CFDP1: variants seen among roughly 807,000 people sequenced by gnomAD.
CFDP1 encodes the protein chromatin remodeling protein CFDP1.
In CFDP1, 31 loss-of-function variants were observed where a neutral mutation model predicts 40.1. That is an observed-to-expected ratio of 0.77 (90% CI 0.58 to 1.04). The LOEUF (loss-of-function observed/expected upper bound fraction) is 1.04. CFDP1 is among the 50% of genes least tolerant of loss of function. The pLI, the probability that CFDP1 is intolerant of heterozygous loss-of-function variation, is 0.00. For missense variants in CFDP1, 423 were observed against 343.4 expected (o/e 1.23, Z -1.83); for synonymous variants, 167 against 120.0 (o/e 1.39, Z -2.56).
intron 1 of CFDP1, 90 bp from the exon 2 acceptor site, chr16:75,414,785 A>G: frequency 1.2e-6 from 1 of 817,268 alleles, no homozygotes; most frequent in Non-Finnish European, 2.0e-6. Context: ...TCACACCGAG[A>G]CATTTTCATT....
At chr16:75,360,608 C>A (rs960064465) in intron 5 of CFDP1, among the ~76,000 whole-genome samples, 7 of 152,134 alleles carry the variant, frequency 4.6e-5, no homozygotes, top group Non-Finnish European at 1.0e-4. Context: ...CAATAACTTT[C>A]CTGTGGCTGA....
chr16:75,432,202 G>A (rs549601319), intron 1 of CFDP1, among the ~76,000 whole-genome samples: 132 of 149,684 alleles, frequency 8.8e-4, no homozygotes, highest in African/African-American at 3.2e-3. Flanking sequence ...GAGCCACCGC[G>A]CCAGGAATGG....
chr16:75,340,815 TAAG>T (rs2078521637), intron 5 of CFDP1, among the ~76,000 whole-genome samples: 1 of 152,154 alleles, frequency 6.6e-6, no homozygotes, highest in Non-Finnish European at 1.5e-5. Flanking sequence ...AGAAAGCTTT[TAAG>T]GATGAGGTCA....
At position 75,349,732 on chromosome 16, in the gene CFDP1, A is replaced by G. The variant is rs547980136; in HGVS notation, c.651-44550T>C. Reference sequence around the variant, plus strand: ...ATATACGGTTGATTTTTACATATTGATCTTGTATCTTGTAACCTTGCTGAA... The same window carrying G: ...ATATACGGTTGATTTTTACATATTGGTCTTGTATCTTGTAACCTTGCTGAA... On this transcript the variant is annotated intron_variant, in intron 5 of 6. Transcript: ENST00000283882. Among the ~76,000 whole-genome samples the G allele has an allele frequency of 5.4e-4, 67 of 123,868 alleles. 1 individual carries two copies. Among genetic ancestry groups the G allele is most frequent in the African/African-American group, 2.0e-3 (66 of 32,628 alleles). 81.3% of individuals were successfully genotyped at this position (123,868 alleles called of 152,430 possible).
intron 6 of CFDP1, among the ~76,000 whole-genome samples, chr16:75,297,905 A>G (rs2078195358): frequency 6.6e-6 from 1 of 152,228 alleles, no homozygotes; most frequent in Admixed American, 6.5e-5. Context: ...AGAAAATGCT[A>G]CTAGGGAACA....
chr16:75,414,694 A>T lies in CFDP1; in HGVS notation c.66T>A (p.Gly22=). ...TTACATCATCTTCACTATACTCTCCACCTGAAATCACATAACAGGGTGATC... is the reference window on the plus strand; with the variant it reads ...TTACATCATCTTCACTATACTCTCCTCCTGAAATCACATAACAGGGTGATC... ...SEEDEDYVPS[G]GEYSEDDVNE... is the part of the protein sequence containing the mutation. The change falls in exon 2 of 7, where the codon GGT becomes GGA. Residue 22 remains glycine (G), a splice_region_variant and synonymous_variant. Coordinates refer to ENST00000283882, the MANE Select transcript of CFDP1 (RefSeq NM_006324.3). 1 of 1,579,694 alleles carries T rather than the reference A, an allele frequency of 6.3e-7. No individual in the cohort carries two copies. The highest frequency in any genetic ancestry group is 8.7e-7 in the Non-Finnish European group (1 of 1,149,346).
intron 5 of CFDP1, among the ~76,000 whole-genome samples, chr16:75,390,357 C>G (rs572656117): frequency 2.0e-5 from 3 of 152,356 alleles, no homozygotes; most frequent in Admixed American, 1.3e-4. Context: ...GCCTGCACAG[C>G]GCAGTTTTGG....
intron 5 of CFDP1, among the ~76,000 whole-genome samples, chr16:75,317,808 G>A (rs1250721674): frequency 1.3e-5 from 2 of 152,070 alleles, no homozygotes; most frequent in Non-Finnish European, 2.9e-5. Context: ...GTCAGCATCT[G>A]GCATTAAAAG....
chr16:75,384,852 C>CAATATATATATATATATA lies in CFDP1; in HGVS notation c.650+10237_650+10238insTATATATATATATATATT, dbSNP rs1555561750. Among the ~76,000 whole-genome samples, 20 of 120,000 alleles carry CAATATATATATATATATA rather than the reference C, an allele frequency of 1.7e-4. 1 individual carries two copies. Among genetic ancestry groups the CAATATATATATATATATA allele is most frequent in the South Asian group, 5.1e-4 (2 of 3,892 alleles). 78.7% of individuals were successfully genotyped at this position (120,000 alleles called of 152,430 possible). A position where few individuals can be genotyped will look rare whatever the true frequency, so the allele number is the denominator to read the frequency against. On this transcript the variant is annotated intron_variant, in intron 5 of 6. Transcript: ENST00000283882. Reference sequence around the variant, plus strand: ...TACAAGTTGCAAGAAGAAACTAAAACTATATATATATATATATATATATAT... The same window carrying CAATATATATATATATATA: ...TACAAGTTGCAAGAAGAAACTAAAACAATATATATATATATATATATATATATATATATATATATATAT...
intron 5 of CFDP1, among the ~76,000 whole-genome samples, chr16:75,380,406 G>A (rs1164997696): frequency 6.6e-6 from 1 of 152,142 alleles, no homozygotes; most frequent in Non-Finnish European, 1.5e-5. Context: ...CCGGCAGGGT[G>A]GGGTGGGGGA....
At chr16:75,352,007 C>CAAAAAAAAAAAAAAA (rs3975153) in intron 5 of CFDP1, among the ~76,000 whole-genome samples, 1 of 86,788 alleles carries the variant, frequency 1.2e-5, no homozygotes, top group Non-Finnish European at 2.1e-5. Flanking sequence ...GACTCTGTCT[C>CAAAAAAAAAAAAAAA]AAAAAAAAAA....
intron 5 of CFDP1, among the ~76,000 whole-genome samples, chr16:75,350,677 A>AT: frequency 1.3e-5 from 2 of 152,330 alleles, no homozygotes; most frequent in East Asian, 3.9e-4. Flanking sequence ...AAAGACTAGA[A>AT]GCAACCCAAA....
chr16:75,337,312 T>G (rs900903398), intron 5 of CFDP1, among the ~76,000 whole-genome samples: 1 of 152,126 alleles, frequency 6.6e-6, no homozygotes, highest in African/African-American at 2.4e-5. Context: ...GCAGGCAAGA[T>G]CCATGGGTAC....
chr16:75,368,284 G>A (rs1045182381), intron 5 of CFDP1, among the ~76,000 whole-genome samples: 1 of 152,034 alleles, frequency 6.6e-6, no homozygotes, highest in Admixed American at 6.6e-5. Context: ...GCTTTTAAAA[G>A]AATACTTTTA....
chr16:75,348,296 A>G (rs7192155), intron 5 of CFDP1, among the ~76,000 whole-genome samples: 109,104 of 152,028 alleles, frequency 0.72, 39,440 homozygotes, highest in Non-Finnish European at 0.77. Context: ...CTTGGCTCCC[A>G]ATGTTAATTT....
intron 4 of CFDP1, among the ~76,000 whole-genome samples, chr16:75,399,678 A>G (rs997854374): frequency 6.6e-6 from 1 of 151,328 alleles, no homozygotes. Context: ...CGCCCAGCCC[A>G]AATTTTCTGA....
At chr16:75,373,091 C>T (rs779140164) in intron 5 of CFDP1, among the ~76,000 whole-genome samples, 1 of 152,184 alleles carries the variant, frequency 6.6e-6, no homozygotes, top group Non-Finnish European at 1.5e-5. Context: ...CTTGACACAC[C>T]TATGCTGGAG....
intron 5 of CFDP1, among the ~76,000 whole-genome samples, chr16:75,393,395 A>C (rs2078968537): frequency 6.6e-6 from 1 of 152,120 alleles, no homozygotes; most frequent in Non-Finnish European, 1.5e-5. Context: ...GTATACTAGT[A>C]TAACTCTGTT....
At chr16:75,317,796 G>C (rs1193950567) in intron 5 of CFDP1, among the ~76,000 whole-genome samples, 2 of 152,116 alleles carry the variant, frequency 1.3e-5, no homozygotes, top group Non-Finnish European at 2.9e-5. Context: ...AGCTGAGGCA[G>C]AGTCAGCATC....
Sources: gnomAD v4.1 joint callset for allele counts (sites outside exome capture counted in the v4.1 genomes callset) on GRCh38, gnomAD v4.1.1 for gene constraint, MANE v1.5 for transcripts, NCBI Gene and HGNC (gene_info 2026-07-23, HGNC 2026-07-21) for gene names.